Variants in GPC6 observed in about 807,000 individuals in gnomAD.
GPC6 encodes the protein glypican-6.
GPC6 carries 14 observed loss-of-function variants against 55.2 expected under a neutral mutation model. The ratio of observed to expected loss-of-function variants is 0.25; its 90% CI spans 0.17 to 0.40. The LOEUF is 0.40. Among genes scored for constraint, GPC6 ranks in the 10% least tolerant of loss-of-function variants. The probability of loss-of-function intolerance (pLI) is 1.00; values close to 1 mark genes in which losing one functional copy is unlikely to be tolerated. For missense variants in GPC6, 641 were observed against 708.5 expected, an observed-to-expected ratio of 0.90 and a Z score of 1.08; for synonymous variants, 278 against 259.6, an observed-to-expected ratio of 1.07 and a Z score of -0.68.
At chr13:94,368,072 C>T (rs1462433304) in intron 6 of GPC6, among the ~76,000 whole-genome samples, 4 of 150,990 alleles carry the variant, frequency 2.6e-5, no homozygotes, top group African/African-American at 9.8e-5. Context: ...TCGCTTGAAC[C>T]CAGGAGGCGG....
At chr13:93,337,969 G>T (rs4142600) in intron 1 of GPC6, among the ~76,000 whole-genome samples, 21,624 of 152,160 alleles carry the variant, frequency 0.14, 1,795 homozygotes, top group East Asian at 0.42. Flanking sequence ...TTAAATTTCA[G>T]TTGCTACCCT....
intron 2 of GPC6, among the ~76,000 whole-genome samples, chr13:93,676,371 C>G (rs1000893533): frequency 7.9e-5 from 12 of 151,132 alleles, no homozygotes; most frequent in Non-Finnish European, 1.8e-4. Flanking sequence ...GAGCTGAGAT[C>G]ACACCACTAC....
chr13:94,362,143 C>T (rs932401140), intron 6 of GPC6, among the ~76,000 whole-genome samples: 1 of 152,150 alleles, frequency 6.6e-6, no homozygotes, highest in African/African-American at 2.4e-5. Context: ...CATACTTTTG[C>T]TTCAACATAG....
In GPC6 at chr13:93,281,795, G is replaced by A. The variant is rs572654860; in HGVS notation, c.160+54179G>A. 8.5e-4 allele frequency among the ~76,000 whole-genome samples: 130 copies of A among 152,252 alleles called. 4 individuals carry two copies. The South Asian group carries it at 0.025, about 29-fold the overall frequency. ...CATGCCAGTGTACTCCAGCGTGGGC[G>A]ACGGAGTGAGACTCCATCTCAAAAA... On this transcript the variant is annotated intron_variant, in intron 1 of 8. Coordinates refer to ENST00000377047, the MANE Select transcript of GPC6 (RefSeq NM_005708.5).
In GPC6 at chr13:93,722,905, A is replaced by G. The variant is rs4622387; in HGVS notation, c.320-107249A>G. ...TCTCTTCTCCTCTTCTTGTAAGGACACTAGTCATATTGGATTAGCCACTCC... is the reference window on the plus strand; with the variant it reads ...TCTCTTCTCCTCTTCTTGTAAGGACGCTAGTCATATTGGATTAGCCACTCC... On this transcript the variant is annotated intron_variant, in intron 2 of 8. Transcript: ENST00000377047. Among the ~76,000 whole-genome samples, 1,071 of 151,866 alleles carry G rather than the reference A, an allele frequency of 7.1e-3. 13 individuals are homozygous for G. Among genetic ancestry groups the G allele is most frequent in the Middle Eastern group, 0.054 (16 of 294 alleles).
intron 2 of GPC6, among the ~76,000 whole-genome samples, chr13:93,785,365 C>G (rs1432204274): frequency 6.6e-6 from 1 of 152,098 alleles, no homozygotes; most frequent in Non-Finnish European, 1.5e-5. Context: ...CACATTGGCT[C>G]TCAAAATTGG....
chr13:93,242,105 T>A (rs541782637), intron 1 of GPC6, among the ~76,000 whole-genome samples: 108 of 152,268 alleles, frequency 7.1e-4, no homozygotes, highest in Admixed American at 3.1e-3. Flanking sequence ...TTTCAGTGGG[T>A]TGAACAATTT....
intron 4 of GPC6, among the ~76,000 whole-genome samples, chr13:94,099,929 G>A (rs1394591130): frequency 6.6e-6 from 1 of 152,110 alleles, no homozygotes; most frequent in Non-Finnish European, 1.5e-5. Context: ...TTCTTAGCCA[G>A]CATTAGAATT....
Position 93,793,176 on chromosome 13 carries a change from A to G in GPC6, c.320-36978A>G, listed in dbSNP as rs115258668. ...CTTGTCCCATTGTGGGGAGTATGGG[A>G]TTGAATCCTTCAGCCTTTCTCAACT... On this transcript the variant is annotated intron_variant, in intron 2 of 8. Coordinates refer to ENST00000377047, the MANE Select transcript of GPC6 (RefSeq NM_005708.5). Among the ~76,000 whole-genome samples, 789 of 152,296 alleles carry G rather than the reference A, an allele frequency of 5.2e-3. 8 individuals carry two copies. The highest frequency in any genetic ancestry group is 0.018 in the African/African-American group (755 of 41,558).
chr13:93,282,416 C>A (rs1877983615), intron 1 of GPC6, among the ~76,000 whole-genome samples: 1 of 151,940 alleles, frequency 6.6e-6, no homozygotes, highest in South Asian at 2.1e-4. Context: ...AATTCCCTAC[C>A]CCGCCCCCAG....
intron 4 of GPC6, among the ~76,000 whole-genome samples, chr13:94,161,906 A>T (rs534213302): frequency 6.6e-6 from 1 of 152,252 alleles, no homozygotes; most frequent in East Asian, 1.9e-4. Context: ...GAGCAAAGGC[A>T]TGTCTTACAT....
chr13:94,217,389 T>A (rs1277369830), intron 4 of GPC6, among the ~76,000 whole-genome samples: 1 of 152,174 alleles, frequency 6.6e-6, no homozygotes, highest in Non-Finnish European at 1.5e-5. Flanking sequence ...TCTCTTTATA[T>A]CCCATTTCAA....
At chr13:93,752,455 GAAAA>G (rs1244475716) in intron 2 of GPC6, among the ~76,000 whole-genome samples, 2 of 145,730 alleles carry the variant, frequency 1.4e-5, no homozygotes, top group African/African-American at 5.1e-5. Flanking sequence ...AAAAAAAAAA[GAAAA>G]AAAAAGAAAA....
At chr13:93,739,178 C>G (rs1387973615) in intron 2 of GPC6, among the ~76,000 whole-genome samples, 1 of 152,056 alleles carries the variant, frequency 6.6e-6, no homozygotes, top group African/African-American at 2.4e-5. Context: ...TGCATAAATT[C>G]ATGGGAAAAT....
chr13:93,226,401 T>C (rs1875784233), upstream of GPC6, among the ~76,000 whole-genome samples: 2 of 152,170 alleles, frequency 1.3e-5, no homozygotes, highest in Non-Finnish European at 2.9e-5. Flanking sequence ...TGTGTGCCTT[T>C]AGAAAAAAAC....
intron 1 of GPC6, among the ~76,000 whole-genome samples, chr13:93,260,083 T>A (rs1310007660): frequency 6.6e-6 from 1 of 152,090 alleles, no homozygotes; most frequent in African/African-American, 2.4e-5. Flanking sequence ...AATTACAACA[T>A]TTGCAATGAT....
intron 1 of GPC6, among the ~76,000 whole-genome samples, chr13:93,276,458 C>CAGAGAGAGAG (rs144297308): frequency 1.1e-3 from 128 of 117,484 alleles, no homozygotes; most frequent in Admixed American, 2.1e-3. Flanking sequence ...CTGGCCTTTT[C>CAGAGAGAGAG]AGAGAGAGAG....
chr13:93,386,102 A>T (rs1198436102), intron 1 of GPC6, among the ~76,000 whole-genome samples: 3 of 120,494 alleles, frequency 2.5e-5, no homozygotes, highest in Non-Finnish European at 3.7e-5. Context: ...CTTTGTTAAA[A>T]AAAAAAAAAA....
chr13:93,348,982 C>G (rs1407048375), intron 1 of GPC6, among the ~76,000 whole-genome samples: 1 of 152,156 alleles, frequency 6.6e-6, no homozygotes, highest in African/African-American at 2.4e-5. Context: ...AGAGATGCTT[C>G]CAGTCAGTCA....
Sources: gnomAD v4.1 joint callset for allele counts (sites outside exome capture counted in the v4.1 genomes callset) on GRCh38, gnomAD v4.1.1 for gene constraint, MANE v1.5 for transcripts, NCBI Gene and HGNC (gene_info 2026-07-23, HGNC 2026-07-21) for gene names.